The following ST8SIA6 variants were observed in gnomAD, a reference collection of about 807,000 sequenced individuals.
ST8SIA6 encodes ST8 alpha-N-acetyl-neuraminide alpha-2,8-sialyltransferase 6.
A neutral mutation model predicts 33.6 loss-of-function variants in ST8SIA6; 39 were observed. The observed-to-expected ratio is 1.16, with a 90% CI of 0.90 to 1.52. The LOEUF (loss-of-function observed/expected upper bound fraction) is 1.52. Among genes scored for constraint, ST8SIA6 ranks in the 40% most tolerant of loss-of-function variants. The pLI is 0.00. For synonymous variants in ST8SIA6, 172 were observed against 167.2 expected (o/e 1.03, Z -0.22); for missense variants, 441 against 443.8 (o/e 0.99, Z 0.06).
rs558810060 is a variant in ST8SIA6, at chr10:17,416,315, A to G, written c.201-25695T>C. ...CTAGATCCCCTTTTCTTCTCCACCT[A>G]TCTCCAGAGCTAAGTGAGCTCATTC... On this transcript the variant is annotated intron_variant, in intron 2 of 7. Coordinates refer to ENST00000377602, the MANE Select transcript of ST8SIA6 (RefSeq NM_001004470.3). Among the ~76,000 whole-genome samples, 22 of 152,124 alleles carry G rather than the reference A, an allele frequency of 1.4e-4. 1 individual carries two copies. In the South Asian group the frequency reaches 4.6e-3, roughly 32 times the overall value.
chr10:17,417,364 A>T (rs1463995284), intron 2 of ST8SIA6, among the ~76,000 whole-genome samples: 1 of 151,956 alleles, frequency 6.6e-6, no homozygotes, highest in African/African-American at 2.4e-5. Context: ...ACCCTCCATG[A>T]TCCATTCTTT....
intron 4 of ST8SIA6, among the ~76,000 whole-genome samples, chr10:17,353,366 G>A (rs1053955418): frequency 3.3e-5 from 5 of 152,124 alleles, no homozygotes; most frequent in Non-Finnish European, 7.4e-5. Flanking sequence ...GTTTCACAAA[G>A]TTAAATCATT....
At chr10:17,435,327 A>G (rs942513077) in intron 2 of ST8SIA6, among the ~76,000 whole-genome samples, 2 of 151,876 alleles carry the variant, frequency 1.3e-5, no homozygotes, top group East Asian at 1.9e-4. Context: ...CTTTATCTCC[A>G]TTTCCTATGA....
intron 2 of ST8SIA6, among the ~76,000 whole-genome samples, chr10:17,430,259 C>T (rs1289849897): frequency 6.6e-6 from 1 of 152,152 alleles, no homozygotes; most frequent in Non-Finnish European, 1.5e-5. Flanking sequence ...GGGTAGTATT[C>T]CATGGTGTAT....
chr10:17,381,649 C>G (rs964711840), intron 3 of ST8SIA6, among the ~76,000 whole-genome samples: 1 of 152,170 alleles, frequency 6.6e-6, no homozygotes, highest in African/African-American at 2.4e-5. Context: ...ATTTATTAAT[C>G]AAGCAGTTTC....
chr10:17,422,523 G>C (rs1477994807), intron 2 of ST8SIA6, among the ~76,000 whole-genome samples: 1 of 152,120 alleles, frequency 6.6e-6, no homozygotes, highest in Non-Finnish European at 1.5e-5. Context: ...ACTACTTCAT[G>C]GCAAATAGAC....
In ST8SIA6 at chr10:17,323,229, G is replaced by GTGCACGCACACACA. The variant is rs1554783534; in HGVS notation, c.636-73_636-72insTGTGTGTGCGTGCA. On this transcript the variant is annotated intron_variant, in intron 6 of 7. Coordinates refer to ENST00000377602, the MANE Select transcript of ST8SIA6 (RefSeq NM_001004470.3). Reference sequence around the variant, plus strand: ...AAAGATTGTATACACACATATGCGCGCACACACACACACACACACACCTAT... The same window carrying GTGCACGCACACACA: ...AAAGATTGTATACACACATATGCGCGTGCACGCACACACACACACACACACACACACACACCTAT... 5.1e-4 allele frequency: 408 copies of GTGCACGCACACACA among 794,530 alleles called. 2 individuals are homozygous for GTGCACGCACACACA. The African/African-American group carries it at 6.3e-3, about 12-fold the overall frequency. 49.2% of individuals were successfully genotyped at this position (794,530 alleles called of 1,614,324 possible). A position where few individuals can be genotyped will look rare whatever the true frequency, so the allele number is the denominator to read the frequency against.
chr10:17,384,868 C>G (rs1294668867), intron 3 of ST8SIA6, among the ~76,000 whole-genome samples: 1 of 152,084 alleles, frequency 6.6e-6, no homozygotes, highest in Non-Finnish European at 1.5e-5. Flanking sequence ...TTTCCCCCTT[C>G]CTCCCCCTAA....
intron 2 of ST8SIA6, among the ~76,000 whole-genome samples, chr10:17,428,142 C>A (rs4747307): frequency 6.6e-6 from 1 of 152,150 alleles, no homozygotes; most frequent in Non-Finnish European, 1.5e-5. Context: ...TCCCTCAATG[C>A]CCATTTCTTT....
At chr10:17,445,069 G>T (rs1451611021) in intron 2 of ST8SIA6, among the ~76,000 whole-genome samples, 2 of 152,086 alleles carry the variant, frequency 1.3e-5, no homozygotes, top group African/African-American at 4.8e-5. Context: ...TGGAGCATGA[G>T]GTGGAAAGGA....
intron 2 of ST8SIA6, among the ~76,000 whole-genome samples, chr10:17,392,608 T>G (rs1400211250): frequency 6.6e-6 from 1 of 152,064 alleles, no homozygotes; most frequent in Non-Finnish European, 1.5e-5. Flanking sequence ...GATTCAAGGT[T>G]GAAGAGCCAT....
intron 2 of ST8SIA6, among the ~76,000 whole-genome samples, chr10:17,440,465 C>G (rs1383575378): frequency 1.3e-5 from 2 of 152,146 alleles, no homozygotes; most frequent in Non-Finnish European, 2.9e-5. Context: ...CCCGGCCTCC[C>G]AAAGTGCTGG....
rs760998543 is a variant in ST8SIA6, at chr10:17,390,597, A to C, written c.224T>G (p.Leu75Arg). ...ATTTTTGCATTTCTCCGTCAGTTGG[A>C]GCGACTTCTCATTCAGATATGTGCT... is the stretch of plus-strand genomic sequence containing the variant. The part of the protein sequence containing the change: ...TNSTYLNEKS[L>R]QLTEKCKNLQ... The change falls in exon 3 of 8, where the codon CTC becomes CGC. Residue 75 changes from leucine to arginine, a missense_variant. Leu to Arg is a moderately radical substitution (Grantham distance 102). Coordinates refer to ENST00000377602, the MANE Select transcript of ST8SIA6 (RefSeq NM_001004470.3). 4 of 1,614,002 alleles carry C rather than the reference A, an allele frequency of 2.5e-6. No individual in the cohort carries two copies. The highest frequency in any genetic ancestry group is 3.4e-6 in the Non-Finnish European group (4 of 1,179,918).
In ST8SIA6 at chr10:17,321,065, T is replaced by G; in HGVS notation, c.1010A>C (p.Asn337Thr). The G allele has an allele frequency of 1.2e-6, 2 of 1,614,064 alleles. No individual in the cohort carries two copies. The highest frequency in any genetic ancestry group is 1.7e-6 in the Non-Finnish European group (2 of 1,179,974). Reference sequence around the variant, plus strand: ...GGGCCAGAATCCATACAGCTTCACATTTTTACACAGTTCCACTGCAACACT... The same window carrying G: ...GGGCCAGAATCCATACAGCTTCACAGTTTTACACAGTTCCACTGCAACACT... ...ITSVAVELCK[N>T]VKLYGFWPFS... Residue 337 changes from asparagine to threonine, a missense_variant, in exon 8 of 8, where the codon AAT becomes ACT. Asn to Thr is a moderately conservative substitution (Grantham distance 65). Transcript: ENST00000377602.
intron 2 of ST8SIA6, among the ~76,000 whole-genome samples, chr10:17,443,901 C>G (rs1852599526): frequency 6.6e-6 from 1 of 152,194 alleles, no homozygotes; most frequent in Non-Finnish European, 1.5e-5. Flanking sequence ...GATTACAGAA[C>G]CCTCGCACCC....
chr10:17,452,614 T>C (rs1216346827), intron 2 of ST8SIA6, among the ~76,000 whole-genome samples: 1 of 152,212 alleles, frequency 6.6e-6, no homozygotes. Flanking sequence ...GTAATTAATT[T>C]GAAATGAAGA....
Position 17,319,453 on chromosome 10 carries a change from C to G in ST8SIA6, c.*1425G>C, listed in dbSNP as rs974310333. Among the ~76,000 whole-genome samples the G allele has an allele frequency of 1.2e-4, 19 of 152,088 alleles. 1 individual carries two copies. In the South Asian group the frequency reaches 3.5e-3, roughly 28 times the overall value. Reference sequence around the variant, plus strand: ...GCTTTTAGGATGGCAACACAGATGTCGAACCAGAAACTTCAGATGTGTTAA... The same window carrying G: ...GCTTTTAGGATGGCAACACAGATGTGGAACCAGAAACTTCAGATGTGTTAA... On this transcript the variant is annotated 3_prime_UTR_variant, in exon 8 of 8. Coordinates refer to ENST00000377602, the MANE Select transcript of ST8SIA6 (RefSeq NM_001004470.3).
chr10:17,438,976 T>C (rs1159739375), intron 2 of ST8SIA6, among the ~76,000 whole-genome samples: 1 of 152,220 alleles, frequency 6.6e-6, no homozygotes, highest in African/African-American at 2.4e-5. Context: ...AGTGTGTTGG[T>C]CACTGACTCA....
intron 2 of ST8SIA6, among the ~76,000 whole-genome samples, chr10:17,445,956 A>T (rs1852691074): frequency 6.6e-6 from 1 of 152,176 alleles, no homozygotes; most frequent in African/African-American, 2.4e-5. Context: ...AAACCAAGGC[A>T]TGAGAGCAAG....
Sources: allele counts gnomAD v4.1 joint callset (sites outside exome capture counted in the v4.1 genomes callset), GRCh38; gene constraint gnomAD v4.1.1; transcripts MANE v1.5; gene names NCBI Gene and HGNC (gene_info 2026-07-23, HGNC 2026-07-21).